Variants in LMAN2 observed in about 807,000 individuals in gnomAD.
LMAN2 encodes the protein lectin, mannose binding 2.
LMAN2 carries 22 observed loss-of-function variants against 39.3 expected under a neutral mutation model. The observed-to-expected ratio is 0.56, with a 90% CI of 0.40 to 0.80. The LOEUF (loss-of-function observed/expected upper bound fraction) is 0.80, where lower values mean the gene tolerates loss of function less well. Among genes scored for constraint, LMAN2 ranks in the 30% least tolerant of loss-of-function variants. The pLI, the probability that LMAN2 is intolerant of heterozygous loss-of-function variation, is 0.00. For synonymous variants in LMAN2, 207 were observed against 207.8 expected (o/e 1.00, Z 0.03); for missense variants, 494 against 505.4 (o/e 0.98, Z 0.22).
rs373863741 is a variant in LMAN2, at chr5:177,351,248, G to A, written c.240C>T (p.Ser80=). The A allele has an allele frequency of 6.2e-7, 1 of 1,614,132 alleles. No individual in the cohort carries two copies. The change falls in exon 2 of 8, where the codon AGC becomes AGT. Residue 80 remains serine, a synonymous_variant. Coordinates refer to ENST00000303127, the MANE Select transcript of LMAN2 (RefSeq NM_006816.3). ...GTACGTACTGGCTCGTGAGCATAGT[G>A]CTGCCCTGGAAGTCCCAGAGGGGCA... ...SSMPLWDFQG[S]TMLTSQYVRL...
intron 2 of LMAN2, among the ~76,000 whole-genome samples, chr5:177,341,522 C>A (rs1279547084): frequency 6.6e-6 from 1 of 152,134 alleles, no homozygotes; most frequent in Admixed American, 6.5e-5. Context: ...AGGAAGGTAA[C>A]AGCCAGCATG....
rs186829044 is a variant in LMAN2 at position 177,332,367 on chromosome 5, C to G, written c.911-121G>C. The G allele has an allele frequency of 4.1e-5, 36 of 875,740 alleles. No individual in the cohort carries two copies. In the African/African-American group the frequency reaches 4.5e-4, roughly 11 times the overall value. 54.2% of individuals were successfully genotyped at this position (875,740 alleles called of 1,614,324 possible). ...ACGGTGGGCAGGCCGGTCGTACTCA[C>G]CCCCCTCACCGGGGAGGGGCAGAGG... On this transcript the variant is annotated intron_variant, in intron 7 of 7. Transcript: ENST00000303127. The surrounding 1 kb of genome is among the most constrained non-coding windows in gnomAD (Gnocchi z 6.3).
intron 2 of LMAN2, among the ~76,000 whole-genome samples, chr5:177,341,064 C>CTTTTT (rs1298735934): frequency 9.2e-6 from 1 of 108,944 alleles, no homozygotes; most frequent in Admixed American, 9.7e-5. Flanking sequence ...CTTTTTTTTT[C>CTTTTT]TTTTTTTTTT....
intron 2 of LMAN2, among the ~76,000 whole-genome samples, chr5:177,345,177 CAAAA>C (rs55947322): frequency 4.3e-5 from 5 of 116,410 alleles, no homozygotes; most frequent in Admixed American, 8.9e-5. Flanking sequence ...CTACTTCTAC[CAAAA>C]AAAAAAAAAA....
At chr5:177,336,778 C>T (rs537470686) in intron 6 of LMAN2, 19 of 381,486 alleles carry the variant, frequency 5.0e-5, no homozygotes, top group African/African-American at 3.9e-4. Context: ...CTAACTGACC[C>T]GCTGCCTCCT....
At chr5:177,340,473 T>C (rs1761534522) in intron 2 of LMAN2, among the ~76,000 whole-genome samples, 1 of 152,080 alleles carries the variant, frequency 6.6e-6, no homozygotes, top group Admixed American at 6.6e-5. Context: ...TGTCTATTGT[T>C]CTCCTTAAAA....
intron 2 of LMAN2, among the ~76,000 whole-genome samples, chr5:177,344,773 G>A (rs907568019): frequency 6.6e-6 from 1 of 151,704 alleles, no homozygotes; most frequent in African/African-American, 2.4e-5. Flanking sequence ...GGGTGCGGTG[G>A]CGGGCGCCTG....
In LMAN2 at chr5:177,351,651, C is replaced by T. The variant is rs767404171; in HGVS notation, c.-4G>A. 3.8e-6 allele frequency: 6 copies of T among 1,583,284 alleles called. No homozygotes were observed. The highest frequency in any genetic ancestry group is 2.3e-5 in the South Asian group (2 of 87,238). ...AAATCCAGCCTTCCGCCGCCATTCT[C>T]CTCTCCTCTCGGCCACTTCCGCCCT... is the stretch of plus-strand genomic sequence containing the variant. On this transcript the variant is annotated 5_prime_UTR_variant, in exon 1 of 8. Transcript: ENST00000303127.
In LMAN2 at chr5:177,332,002, C is replaced by G; in HGVS notation, c.*84G>C. On this transcript the variant is annotated 3_prime_UTR_variant, in exon 8 of 8. Coordinates refer to ENST00000303127, the MANE Select transcript of LMAN2 (RefSeq NM_006816.3). The surrounding 1 kb of genome is among the most constrained non-coding windows in gnomAD (Gnocchi z 6.3). Reference sequence around the variant, plus strand: ...TGAAACAGTTAAGAAATAAGGTCATCTTGTTGTTCTTTTATAATCCCGGTA... The same window carrying G: ...TGAAACAGTTAAGAAATAAGGTCATGTTGTTGTTCTTTTATAATCCCGGTA... 7.5e-7 allele frequency: 1 copy of G among 1,335,396 alleles called. No homozygotes were observed. The allele number at this position is 1,335,396 out of a possible 1,614,324, so 82.7% of individuals were successfully genotyped here.
At chr5:177,344,310 G>T (rs1761603843) in intron 2 of LMAN2, among the ~76,000 whole-genome samples, 1 of 117,160 alleles carries the variant, frequency 8.5e-6, no homozygotes, top group South Asian at 2.6e-4. Context: ...TTTTGAGACA[G>T]AGTCTTGCTC....
rs1471344209 is a variant in LMAN2 at position 177,337,268 on chromosome 5, CT to C, written c.676-19del. 6.2e-7 allele frequency: 1 copy of C among 1,613,648 alleles called. No homozygotes were observed. Among genetic ancestry groups the C allele is most frequent in the African/African-American group, 1.3e-5 (1 of 75,058 alleles). ...GTCATCACCTGCAGGGCCCAGCACG[CT>C]AAGCACCTCGCAGGACAGCAGCCTG... On this transcript the variant is annotated intron_variant, in intron 5 of 7. Transcript: ENST00000303127. This position sits in a 1 kb window ranked among gnomAD's most constrained non-coding sequence, Gnocchi z 8.2.
At chr5:177,344,421 C>T (rs1248725188) in intron 2 of LMAN2, among the ~76,000 whole-genome samples, 1 of 150,082 alleles carries the variant, frequency 6.7e-6, no homozygotes, top group African/African-American at 2.4e-5. Flanking sequence ...GCTGGGATTA[C>T]AGGAACACGC....
intron 2 of LMAN2, among the ~76,000 whole-genome samples, chr5:177,349,592 C>T (rs1259786972): frequency 6.6e-6 from 1 of 152,176 alleles, no homozygotes; most frequent in Non-Finnish European, 1.5e-5. Context: ...CTGATGATGC[C>T]AACCATCAGC....
chr5:177,334,592 A>G, intron 6 of LMAN2, 189 bp from the exon 7 acceptor site: 1 of 642,594 alleles, frequency 1.6e-6, no homozygotes, highest in Non-Finnish European at 2.5e-6. Flanking sequence ...TAAAAAAGAG[A>G]GGAGGCAGAG....
intron 2 of LMAN2, among the ~76,000 whole-genome samples, chr5:177,341,797 C>T (rs533565570): frequency 6.6e-6 from 1 of 152,114 alleles, no homozygotes; most frequent in African/African-American, 2.4e-5. Flanking sequence ...ATAATTAAAA[C>T]AAATGACAAC....
rs1761498062 is a variant in LMAN2, at chr5:177,337,856, C to T, written c.434-71G>A. 7.3e-7 allele frequency: 1 copy of T among 1,374,648 alleles called. No individual in the cohort carries two copies. The highest frequency in any genetic ancestry group is 1.2e-5 in the South Asian group (1 of 82,560). The allele number at this position is 1,374,648 out of a possible 1,614,324, so 85.2% of individuals were successfully genotyped here. ...GTCCCATGGGTACCTAAAAGGCAAG[C>T]AATGCCAACATGGGTGGGGGCAAGA... On this transcript the variant is annotated intron_variant, in intron 3 of 7. Transcript: ENST00000303127. The surrounding 1 kb of genome is among the most constrained non-coding windows in gnomAD (Gnocchi z 8.2).
intron 6 of LMAN2, among the ~76,000 whole-genome samples, chr5:177,335,306 T>A (rs138181702): frequency 6.6e-6 from 1 of 152,332 alleles, no homozygotes; most frequent in African/African-American, 2.4e-5. Flanking sequence ...TTCCTGCTCG[T>A]ATCTTAGGAA....
chr5:177,349,640 G>A (rs1050970501), intron 2 of LMAN2, among the ~76,000 whole-genome samples: 4 of 152,296 alleles, frequency 2.6e-5, no homozygotes, highest in Middle Eastern at 6.8e-3. Context: ...TCTTAGATGC[G>A]TCTATTACTT....
intron 2 of LMAN2, among the ~76,000 whole-genome samples, chr5:177,343,655 G>A (rs941614125): frequency 1.0e-5 from 1 of 96,472 alleles, no homozygotes; most frequent in Non-Finnish European, 2.2e-5. Flanking sequence ...ATGGAGGAAC[G>A]TTCAACATAT....
Sources: allele counts gnomAD v4.1 joint callset (sites outside exome capture counted in the v4.1 genomes callset), GRCh38; gene constraint gnomAD v4.1.1; non-coding constraint Gnocchi (gnomAD v3.1); transcripts MANE v1.5; gene names NCBI Gene and HGNC (gene_info 2026-07-23, HGNC 2026-07-21).